The following BRINP3 variants were observed in gnomAD, a reference collection of about 807,000 sequenced individuals.
BRINP3 encodes the protein BMP/retinoic acid-inducible neural-specific protein 3.
BRINP3 carries 19 observed loss-of-function variants against 71.0 expected under a neutral mutation model. The ratio of observed to expected loss-of-function variants is 0.27; its 90% CI spans 0.19 to 0.39. The LOEUF (loss-of-function observed/expected upper bound fraction) is 0.39, where lower values mean the gene tolerates loss of function less well. BRINP3 is among the 10% of genes least tolerant of loss of function. The probability of loss-of-function intolerance (pLI) is 1.00; values close to 1 mark genes in which losing one functional copy is unlikely to be tolerated. For synonymous variants in BRINP3, 380 were observed against 337.7 expected (o/e 1.13, Z -1.37); for missense variants, 959 against 940.8 (o/e 1.02, Z -0.25).
intron 2 of BRINP3, among the ~76,000 whole-genome samples, chr1:190,291,473 C>T (rs1663860641): frequency 6.6e-6 from 1 of 151,582 alleles, no homozygotes; most frequent in African/African-American, 2.4e-5. Context: ...ATAAAAATAC[C>T]CTGATTTGAA....
At chr1:190,433,697 T>C (rs932960845) in intron 2 of BRINP3, among the ~76,000 whole-genome samples, 2 of 152,180 alleles carry the variant, frequency 1.3e-5, no homozygotes, top group Non-Finnish European at 2.9e-5. Flanking sequence ...CCTATCTACC[T>C]CGTTCCATTG....
chr1:190,185,824 G>A (rs1463412500), intron 6 of BRINP3, among the ~76,000 whole-genome samples: 1 of 152,054 alleles, frequency 6.6e-6, no homozygotes, highest in East Asian at 1.9e-4. Context: ...CAAGCAAAAG[G>A]AATAGACTTT....
chr1:190,249,403 A>G (rs1344375470), intron 4 of BRINP3, among the ~76,000 whole-genome samples: 1 of 151,814 alleles, frequency 6.6e-6, no homozygotes, highest in African/African-American at 2.4e-5. Context: ...CTATGTATAC[A>G]TTTTGCTTTA....
intron 2 of BRINP3, among the ~76,000 whole-genome samples, chr1:190,289,999 A>G (rs1663737790): frequency 6.6e-6 from 1 of 152,064 alleles, no homozygotes; most frequent in African/African-American, 2.4e-5. Context: ...TACACTCGGA[A>G]TCATGAAATG....
intron 2 of BRINP3, among the ~76,000 whole-genome samples, chr1:190,445,739 A>G (rs961183828): frequency 6.6e-6 from 1 of 152,198 alleles, no homozygotes; most frequent in Non-Finnish European, 1.5e-5. Flanking sequence ...TGAAAACAAA[A>G]GAGAACAAGC....
intron 4 of BRINP3, among the ~76,000 whole-genome samples, chr1:190,239,355 A>G (rs1393604838): frequency 1.3e-5 from 2 of 152,120 alleles, no homozygotes; most frequent in South Asian, 4.1e-4. Flanking sequence ...CACAAATACA[A>G]TGTTGAAGGA....
intron 2 of BRINP3, among the ~76,000 whole-genome samples, chr1:190,381,256 C>T (rs1207260236): frequency 1.3e-5 from 2 of 151,946 alleles, no homozygotes; most frequent in Non-Finnish European, 2.9e-5. Flanking sequence ...GCTTCCTTGA[C>T]CTTTCCCTCC....
intron 2 of BRINP3, among the ~76,000 whole-genome samples, chr1:190,391,402 T>C (rs1456865546): frequency 2.6e-5 from 4 of 151,822 alleles, no homozygotes; most frequent in African/African-American, 7.2e-5. Context: ...TGCTGTTATA[T>C]AATTGCTAGT....
chr1:190,387,226 G>A (rs1447701939), intron 2 of BRINP3, among the ~76,000 whole-genome samples: 2 of 151,776 alleles, frequency 1.3e-5, no homozygotes, highest in Non-Finnish European at 2.9e-5. Flanking sequence ...CATTTAATAA[G>A]GATAAATGAA....
chr1:190,199,532 C>A (rs1284948581), intron 6 of BRINP3, among the ~76,000 whole-genome samples: 3 of 151,974 alleles, frequency 2.0e-5, no homozygotes, highest in Non-Finnish European at 4.4e-5. Flanking sequence ...CAAACCAGAG[C>A]AATAAGGCTC....
At chr1:190,406,429 G>A (rs1016355662) in intron 2 of BRINP3, among the ~76,000 whole-genome samples, 3 of 152,056 alleles carry the variant, frequency 2.0e-5, no homozygotes, top group Non-Finnish European at 4.4e-5. Flanking sequence ...TTTTCGTACT[G>A]CTGCAAGTGT....
At chr1:190,393,732 T>G (rs1042043007) in intron 2 of BRINP3, among the ~76,000 whole-genome samples, 1 of 151,566 alleles carries the variant, frequency 6.6e-6, no homozygotes, top group African/African-American at 2.4e-5. Flanking sequence ...CTAAATCTAA[T>G]AGCATGCTGA....
intron 2 of BRINP3, among the ~76,000 whole-genome samples, chr1:190,294,041 G>A (rs2102975749): frequency 6.6e-6 from 1 of 152,006 alleles, no homozygotes; most frequent in East Asian, 1.9e-4. Flanking sequence ...GTTATTGGTA[G>A]GTAAGGACTT....
intron 1 of BRINP3, among the ~76,000 whole-genome samples, chr1:190,466,224 A>G (rs1163022877): frequency 1.3e-5 from 2 of 151,856 alleles, no homozygotes; most frequent in African/African-American, 4.8e-5. Context: ...ACTGCTCTAA[A>G]TAATGGCTTA....
At chr1:190,107,023 T>C (rs1652234476) in intron 7 of BRINP3, among the ~76,000 whole-genome samples, 1 of 151,950 alleles carries the variant, frequency 6.6e-6, no homozygotes, top group African/African-American at 2.4e-5. Flanking sequence ...TTGTTCTCAA[T>C]GCTGAATATC....
chr1:190,135,769 A>C (rs1404866337), intron 7 of BRINP3, among the ~76,000 whole-genome samples: 2 of 152,082 alleles, frequency 1.3e-5, no homozygotes, highest in African/African-American at 4.8e-5. Context: ...ATTAGTTTAT[A>C]TTCTTCATAT....
chr1:190,309,066 G>A (rs1041075927), intron 2 of BRINP3, among the ~76,000 whole-genome samples: 1 of 151,856 alleles, frequency 6.6e-6, no homozygotes, highest in Non-Finnish European at 1.5e-5. Context: ...ACAGATTAAT[G>A]AATAAGCAAA....
chr1:190,277,991 A>G (rs1662737418), intron 3 of BRINP3, among the ~76,000 whole-genome samples: 2 of 151,818 alleles, frequency 1.3e-5, no homozygotes, highest in East Asian at 1.9e-4. Context: ...CTCTATAGAT[A>G]GAATGATAAT....
chr1:190,473,857 G>A (rs1272217898), intron 1 of BRINP3, among the ~76,000 whole-genome samples: 1 of 151,350 alleles, frequency 6.6e-6, no homozygotes. Flanking sequence ...CTGCCCTTGG[G>A]CAAGCTTTCT....
Sources: allele counts gnomAD v4.1 joint callset (sites outside exome capture counted in the v4.1 genomes callset), GRCh38; gene constraint gnomAD v4.1.1; transcripts MANE v1.5; gene names NCBI Gene and HGNC (gene_info 2026-07-23, HGNC 2026-07-21).